SLC4A8: variants seen among roughly 807,000 people sequenced by gnomAD.
SLC4A8 encodes the protein solute carrier family 4 member 8.
SLC4A8 carries 40 observed loss-of-function variants against 125.0 expected under a neutral mutation model. The observed-to-expected ratio is 0.32, with a 90% CI of 0.25 to 0.42. SLC4A8 has a LOEUF of 0.42. Ranked by LOEUF, SLC4A8 falls within the 10% of genes least tolerant of loss-of-function variation. The pLI, the probability that SLC4A8 is intolerant of heterozygous loss-of-function variation, is 1.00. For synonymous variants in SLC4A8, 456 were observed against 476.0 expected (o/e 0.96, Z 0.55); for missense variants, 863 against 1,355.1 (o/e 0.64, Z 5.70).
intron 17 of SLC4A8, among the ~76,000 whole-genome samples, chr12:51,486,434 G>A (rs1470539330): frequency 6.6e-6 from 1 of 152,144 alleles, no homozygotes; most frequent in South Asian, 2.1e-4. Flanking sequence ...CATCTCTTTC[G>A]AAATCATCTC....
chr12:51,433,941 C>T (rs1565772594), intron 1 of SLC4A8, among the ~76,000 whole-genome samples: 1 of 141,580 alleles, frequency 7.1e-6, no homozygotes, highest in Non-Finnish European at 1.5e-5. Context: ...AGCGTACAAA[C>T]ACGGCTCATT....
upstream of SLC4A8, chr12:51,424,665 A>G: frequency 2.5e-6 from 1 of 403,384 alleles, no homozygotes; most frequent in Non-Finnish European, 4.4e-6. Context: ...GAGGCCCCTG[A>G]AGGGAGGGAG....
Position 51,455,922 on chromosome 12 carries a change from G to A in SLC4A8, c.575-1429G>A, listed in dbSNP as rs1950135073. 2.0e-5 allele frequency among the ~76,000 whole-genome samples: 3 copies of A among 152,094 alleles called. No individual in the cohort carries two copies. The South Asian group carries it at 6.2e-4, about 31-fold the overall frequency. Reference sequence around the variant, plus strand: ...TGTTCCTTAAAAGGTTGTTTGTTAGGGAGAAGAATCCCTGGGAGCTATTGA... The same window carrying A: ...TGTTCCTTAAAAGGTTGTTTGTTAGAGAGAAGAATCCCTGGGAGCTATTGA... On this transcript the variant is annotated intron_variant, in intron 5 of 24. Transcript: ENST00000453097.
rs1464456409 is a variant in SLC4A8 at position 51,454,652 on chromosome 12, C to T, written c.574+953C>T. On this transcript the variant is annotated intron_variant, in intron 5 of 24. Coordinates refer to ENST00000453097, the MANE Select transcript of SLC4A8 (RefSeq NM_001039960.3). ...TGCTTTACAAAGCAGTTTTGCTGCCCGCAGGTCCCACCTCCAGCCCTAAGG... is the reference window on the plus strand; with the variant it reads ...TGCTTTACAAAGCAGTTTTGCTGCCTGCAGGTCCCACCTCCAGCCCTAAGG... Among the ~76,000 whole-genome samples, 39 of 55,962 alleles carry T rather than the reference C, an allele frequency of 7.0e-4. 3 individuals carry two copies. In the South Asian group the frequency reaches 0.015, roughly 22 times the overall value. The allele number at this position is 55,962 out of a possible 152,430, so 36.7% of individuals were successfully genotyped here. A position where few individuals can be genotyped will look rare whatever the true frequency, so the allele number is the denominator to read the frequency against.
rs1174444218 is a variant in SLC4A8, at chr12:51,485,959, G to A, written c.2286+59G>A. 8 of 1,021,280 alleles carry A rather than the reference G, an allele frequency of 7.8e-6. No individual in the cohort carries two copies. In the East Asian group the frequency reaches 1.7e-4, roughly 21 times the overall value. 63.3% of individuals were successfully genotyped at this position (1,021,280 alleles called of 1,614,324 possible). ...GTAATTTCATACATTCTGATGCCAA[G>A]TAAATTTCAAAGGCCTTTTCATATC... is the stretch of plus-strand genomic sequence containing the variant. On this transcript the variant is annotated intron_variant, in intron 17 of 24. Coordinates refer to ENST00000453097, the MANE Select transcript of SLC4A8 (RefSeq NM_001039960.3).
chr12:51,502,834 C>G (rs1484429981), intron 22 of SLC4A8, among the ~76,000 whole-genome samples: 1 of 142,078 alleles, frequency 7.0e-6, no homozygotes, highest in African/African-American at 2.7e-5. Context: ...CCACGCCCGA[C>G]TAATTTTTTT....
At position 51,481,878 on chromosome 12, in the gene SLC4A8, A is replaced by G. The variant is rs561690066; in HGVS notation, c.2173-3909A>G. 2.8e-4 allele frequency among the ~76,000 whole-genome samples: 42 copies of G among 152,170 alleles called. 1 individual carries two copies. Among genetic ancestry groups the G allele is most frequent in the East Asian group, 1.7e-3 (9 of 5,178 alleles). ...TGAGGTGGAAGGATCACTTGAGGCC[A>G]GGGAGGTCAAAGCTGTAGTGAGCTG... On this transcript the variant is annotated intron_variant, in intron 16 of 24. Transcript: ENST00000453097.
chr12:51,462,475 C>A lies in SLC4A8; in HGVS notation c.1248+19C>A. 6.5e-7 allele frequency: 1 copy of A among 1,537,302 alleles called. No homozygotes were observed. Among genetic ancestry groups the A allele is most frequent in the Non-Finnish European group, 8.7e-7 (1 of 1,145,976 alleles). ...TTCCCAGGTAATGTATGCACATCAG[C>A]CAATGTGGCTATTGTCACTTACTGA... On this transcript the variant is annotated intron_variant, in intron 10 of 24. Transcript: ENST00000453097.
intron 4 of SLC4A8, among the ~76,000 whole-genome samples, chr12:51,453,307 T>C (rs941309363): frequency 2.6e-5 from 4 of 152,228 alleles, no homozygotes; most frequent in African/African-American, 9.7e-5. Flanking sequence ...CATGTATGTA[T>C]TTGACTTTTA....
chr12:51,466,943 ATGTGTG>A (rs5798175), intron 11 of SLC4A8, among the ~76,000 whole-genome samples: 15 of 149,370 alleles, frequency 1.0e-4, no homozygotes, highest in Non-Finnish European at 1.5e-4. Flanking sequence ...GCCTCAGAGT[ATGTGTG>A]TGTGTGTGTG....
intron 2 of SLC4A8, among the ~76,000 whole-genome samples, chr12:51,443,522 A>T (rs1949667092): frequency 6.6e-6 from 1 of 152,126 alleles, no homozygotes; most frequent in Non-Finnish European, 1.5e-5. Context: ...GGACTTTCCC[A>T]GTCCCAGAGG....
At chr12:51,453,202 A>C (rs958232848) in intron 4 of SLC4A8, among the ~76,000 whole-genome samples, 1 of 152,244 alleles carries the variant, frequency 6.6e-6, no homozygotes, top group Non-Finnish European at 1.5e-5. Flanking sequence ...CATTATAGAA[A>C]GTTTAAGAAT....
Position 51,474,464 on chromosome 12 carries a change from C to A in SLC4A8, c.2010+17C>A, listed in dbSNP as rs781260787. On this transcript the variant is annotated intron_variant, in intron 15 of 24. Coordinates refer to ENST00000453097, the MANE Select transcript of SLC4A8 (RefSeq NM_001039960.3). ...ACTGTCAGTGTAAGTCTGGGAGCTG[C>A]CAGATGTCCTAGCATTGTGACCACA... is the stretch of plus-strand genomic sequence containing the variant. The A allele has an allele frequency of 1.2e-6, 2 of 1,610,742 alleles. No individual in the cohort carries two copies. Among genetic ancestry groups the A allele is most frequent in the Admixed American group, 3.4e-5 (2 of 59,644 alleles).
At chr12:51,439,213 C>T (rs1949515088) in intron 1 of SLC4A8, among the ~76,000 whole-genome samples, 1 of 152,148 alleles carries the variant, frequency 6.6e-6, no homozygotes, top group Non-Finnish European at 1.5e-5. Context: ...CGCACCACCA[C>T]ACCCAGATAA....
At chr12:51,410,241 A>G (rs1258211836) in intron 1 of SLC4A8, among the ~76,000 whole-genome samples, 1 of 152,246 alleles carries the variant, frequency 6.6e-6, no homozygotes, top group Non-Finnish European at 1.5e-5. Flanking sequence ...AGTTTAAAGA[A>G]AAAAAGTTTT....
At chr12:51,422,312 A>C (rs960177828), upstream of SLC4A8, 1 of 151,914 alleles carries the variant, frequency 6.6e-6, no homozygotes, top group African/African-American at 2.4e-5. Flanking sequence ...ATTTAAGAAA[A>C]ATAAAGTCTG....
intron 6 of SLC4A8, among the ~76,000 whole-genome samples, chr12:51,457,893 A>C (rs141882524): frequency 3.8e-4 from 58 of 152,286 alleles, no homozygotes; most frequent in Non-Finnish European, 7.6e-4. Context: ...TAGGGAGGCA[A>C]AATACAGTAG....
upstream of SLC4A8, among the ~76,000 whole-genome samples, chr12:51,423,718 G>C (rs1948849285): frequency 6.6e-6 from 1 of 152,150 alleles, no homozygotes; most frequent in Non-Finnish European, 1.5e-5. Context: ...CCTGAAGTCT[G>C]GTATGATAGT....
At chr12:51,504,717 GC>G (rs1938088287) in intron 23 of SLC4A8, among the ~76,000 whole-genome samples, 1 of 152,194 alleles carries the variant, frequency 6.6e-6, no homozygotes, top group East Asian at 1.9e-4. Flanking sequence ...CTGGCTTGTG[GC>G]ATCTGTAGTT....
Sources: allele counts gnomAD v4.1 joint callset (sites outside exome capture counted in the v4.1 genomes callset), GRCh38; gene constraint gnomAD v4.1.1; transcripts MANE v1.5; gene names NCBI Gene and HGNC (gene_info 2026-07-23, HGNC 2026-07-21).